The following GALNT18 variants were observed in gnomAD, a reference collection of about 807,000 sequenced individuals.
GALNT18 encodes polypeptide N-acetylgalactosaminyltransferase 18.
Under a neutral mutation model 69.5 loss-of-function variants are expected in GALNT18, and 44 were observed. The observed-to-expected ratio is 0.63, with a 90% confidence interval of 0.50 to 0.81. GALNT18 has a LOEUF of 0.81. Ranked by LOEUF, GALNT18 falls within the 40% of genes least tolerant of loss-of-function variation. The pLI, the probability that GALNT18 is intolerant of heterozygous loss-of-function variation, is 0.00. For missense variants in GALNT18, 715 were observed against 810.0 expected (o/e 0.88, Z 1.42); for synonymous variants, 364 against 318.2 (o/e 1.14, Z -1.53).
At position 11,430,065 on chromosome 11, in the gene GALNT18, G is replaced by T. The variant is rs962652910; in HGVS notation, c.595+2556C>A. On this transcript the variant is annotated intron_variant, in intron 3 of 10. Coordinates refer to ENST00000227756, the MANE Select transcript of GALNT18 (RefSeq NM_198516.3). The surrounding 1 kb of genome is among the most constrained non-coding windows in gnomAD (Gnocchi z 4.9). Reference sequence around the variant, plus strand: ...TAAGATGGGAGGATTGCTTGAGCCTGGGAGCCTGGGAGCTGTGATCGTGCC... The same window carrying T: ...TAAGATGGGAGGATTGCTTGAGCCTTGGAGCCTGGGAGCTGTGATCGTGCC... 6.6e-6 allele frequency among the ~76,000 whole-genome samples: 1 copy of T among 151,994 alleles called. No homozygotes were observed. The highest frequency in any genetic ancestry group is 2.4e-5 in the African/African-American group (1 of 41,372).
rs752463750 is a variant in GALNT18, at chr11:11,432,595, G to A, written c.595+26C>T. The A allele has an allele frequency of 1.3e-6, 2 of 1,585,124 alleles. No individual in the cohort carries two copies. The highest frequency in any genetic ancestry group is 1.2e-5 in the South Asian group (1 of 86,880). The stretch of plus-strand genomic sequence containing the variant: ...AGATGTCAGCCAGGAAGTAGGGCCT[G>A]GGCCCTGGGAAGCTCCGACACTCAC... On this transcript the variant is annotated intron_variant, in intron 3 of 10. Coordinates refer to ENST00000227756, the MANE Select transcript of GALNT18 (RefSeq NM_198516.3). This position sits in a 1 kb window ranked among gnomAD's most constrained non-coding sequence, Gnocchi z 5.8.
rs1439835798 is a variant in GALNT18 at position 11,314,240 on chromosome 11, G to A, written c.1512+12846C>T. On this transcript the variant is annotated intron_variant, in intron 9 of 10. Coordinates refer to ENST00000227756, the MANE Select transcript of GALNT18 (RefSeq NM_198516.3). The surrounding 1 kb of genome is among the most constrained non-coding windows in gnomAD (Gnocchi z 5.2). ...TGAGTCTGAACATTGGTCCACTGTGGAGCTGCTAATGACTGCTTCTCCCCA... is the reference window on the plus strand; with the variant it reads ...TGAGTCTGAACATTGGTCCACTGTGAAGCTGCTAATGACTGCTTCTCCCCA... 6.6e-6 allele frequency among the ~76,000 whole-genome samples: 1 copy of A among 152,126 alleles called. No individual in the cohort carries two copies. The highest frequency in any genetic ancestry group is 1.5e-5 in the Non-Finnish European group (1 of 68,008).
chr11:11,283,097 T>C (rs1235941186), intron 10 of GALNT18, among the ~76,000 whole-genome samples: 1 of 151,912 alleles, frequency 6.6e-6, no homozygotes, highest in Non-Finnish European at 1.5e-5. Flanking sequence ...TGGGAGGAGA[T>C]GAGGTCCAAG....
intron 5 of GALNT18, among the ~76,000 whole-genome samples, chr11:11,374,218 T>G (rs1850981695): frequency 6.6e-6 from 1 of 152,104 alleles, no homozygotes; most frequent in South Asian, 2.1e-4. Context: ...CGAGGTAGTC[T>G]CTCTGGGAAA....
At position 11,444,116 on chromosome 11, in the gene GALNT18, G is replaced by A. The variant is rs1196339046; in HGVS notation, c.428+4628C>T. ...TGGACTGTTAAAACAACTCTCCCCAGGGAAGCCGGCACAGGGAGGTGCCTT... is the reference window on the plus strand; with the variant it reads ...TGGACTGTTAAAACAACTCTCCCCAAGGAAGCCGGCACAGGGAGGTGCCTT... On this transcript the variant is annotated intron_variant, in intron 2 of 10. Transcript: ENST00000227756. This position sits in a 1 kb window ranked among gnomAD's most constrained non-coding sequence, Gnocchi z 4.4. Among the ~76,000 whole-genome samples, 1 of 152,142 alleles carries A rather than the reference G, an allele frequency of 6.6e-6. No homozygotes were observed. Among genetic ancestry groups the A allele is most frequent in the Non-Finnish European group, 1.5e-5 (1 of 68,024 alleles).
chr11:11,433,555 T>C (rs1456583704), intron 2 of GALNT18, among the ~76,000 whole-genome samples: 2 of 152,216 alleles, frequency 1.3e-5, no homozygotes, highest in Non-Finnish European at 2.9e-5. Flanking sequence ...TGCCCCTAAC[T>C]GGCCCATTTC....
intron 3 of GALNT18, among the ~76,000 whole-genome samples, chr11:11,431,235 C>G (rs1057502718): frequency 6.6e-6 from 1 of 152,186 alleles, no homozygotes; most frequent in African/African-American, 2.4e-5. Flanking sequence ...TTCTTCCATC[C>G]TGTGCCTCCT....
intron 10 of GALNT18, among the ~76,000 whole-genome samples, chr11:11,286,640 CTCCT>C (rs897664206): frequency 5.9e-5 from 9 of 152,156 alleles, no homozygotes; most frequent in Non-Finnish European, 1.2e-4. Context: ...TTTAAAAAGA[CTCCT>C]TCATTTGATC....
intron 10 of GALNT18, among the ~76,000 whole-genome samples, chr11:11,272,483 A>G (rs1174952866): frequency 2.6e-5 from 4 of 151,508 alleles, no homozygotes; most frequent in Non-Finnish European, 5.9e-5. Context: ...GCAGCACTGA[A>G]GGCCTCCATG....
At chr11:11,300,832 A>T (rs1217601167) in intron 9 of GALNT18, among the ~76,000 whole-genome samples, 3 of 152,194 alleles carry the variant, frequency 2.0e-5, no homozygotes, top group Non-Finnish European at 4.4e-5. Flanking sequence ...AGTCTCAGGG[A>T]CTGGGGCCTG....
chr11:11,582,992 A>G lies in GALNT18; in HGVS notation c.235+38367T>C, dbSNP rs1859123171. On this transcript the variant is annotated intron_variant, in intron 1 of 10. Transcript: ENST00000227756. The surrounding 1 kb of genome is among the most constrained non-coding windows in gnomAD (Gnocchi z 5.0). Reference sequence around the variant, plus strand: ...GAACCATCCTATTATCCCCCATGCTATTTTTATATCCCAAAATGAGAGGCA... The same window carrying G: ...GAACCATCCTATTATCCCCCATGCTGTTTTTATATCCCAAAATGAGAGGCA... Among the ~76,000 whole-genome samples the G allele has an allele frequency of 6.6e-6, 1 of 151,926 alleles. No homozygotes were observed. Among genetic ancestry groups the G allele is most frequent in the South Asian group, 2.1e-4 (1 of 4,820 alleles).
intron 1 of GALNT18, among the ~76,000 whole-genome samples, chr11:11,557,111 T>C (rs1188946691): frequency 6.6e-6 from 1 of 152,158 alleles, no homozygotes; most frequent in Non-Finnish European, 1.5e-5. Context: ...TCTAGCTGTC[T>C]TTATGCTGTT....
intron 1 of GALNT18, among the ~76,000 whole-genome samples, chr11:11,472,656 T>C (rs928734061): frequency 9.9e-5 from 15 of 152,226 alleles, no homozygotes; most frequent in African/African-American, 3.6e-4. Flanking sequence ...TTACAATGTC[T>C]ACCTACCTTG....
At chr11:11,292,047 G>T (rs1849309421) in intron 10 of GALNT18, among the ~76,000 whole-genome samples, 1 of 152,120 alleles carries the variant, frequency 6.6e-6, no homozygotes, top group African/African-American at 2.4e-5. Context: ...CTCACCAGGG[G>T]AGAAGCAGCT....
intron 1 of GALNT18, among the ~76,000 whole-genome samples, chr11:11,481,679 A>G (rs1487290176): frequency 6.6e-6 from 1 of 152,128 alleles, no homozygotes; most frequent in Non-Finnish European, 1.5e-5. Flanking sequence ...AGGCAAAGAA[A>G]CTCAGGTGCT....
chr11:11,336,136 G>T (rs564990156), intron 7 of GALNT18, among the ~76,000 whole-genome samples: 1 of 152,300 alleles, frequency 6.6e-6, no homozygotes, highest in Admixed American at 6.5e-5. Flanking sequence ...GCCTGTCTTT[G>T]GGCAAGAGAA....
At chr11:11,558,022 G>A (rs371697582) in intron 1 of GALNT18, among the ~76,000 whole-genome samples, 45 of 152,194 alleles carry the variant, frequency 3.0e-4, no homozygotes, top group East Asian at 7.7e-4. Context: ...GTGAGGCAGG[G>A]GTGGATGGGC....
chr11:11,349,061 A>G (rs967998581), intron 6 of GALNT18, among the ~76,000 whole-genome samples: 5 of 152,204 alleles, frequency 3.3e-5, no homozygotes, highest in Non-Finnish European at 7.3e-5. Context: ...CCTACACTGC[A>G]CATTGTTTAG....
At chr11:11,380,119 G>A (rs1203283909) in intron 3 of GALNT18, among the ~76,000 whole-genome samples, 1 of 152,204 alleles carries the variant, frequency 6.6e-6, no homozygotes, top group African/African-American at 2.4e-5. Flanking sequence ...TGCAGCCCCT[G>A]CAGTAAAAGG....
Sources: allele counts gnomAD v4.1 joint callset (sites outside exome capture counted in the v4.1 genomes callset), GRCh38; gene constraint gnomAD v4.1.1; non-coding constraint Gnocchi (gnomAD v3.1); transcripts MANE v1.5; gene names NCBI Gene and HGNC (gene_info 2026-07-23, HGNC 2026-07-21).